Variants in SMARCC1 observed in about 807,000 individuals in gnomAD.
SMARCC1 encodes SWI/SNF complex subunit SMARCC1.
Under a neutral mutation model 147.4 loss-of-function variants are expected in SMARCC1, and 43 were observed. The observed-to-expected ratio is 0.29, with a 90% CI of 0.23 to 0.38. The LOEUF (loss-of-function observed/expected upper bound fraction) is 0.38. Among genes scored for constraint, SMARCC1 ranks in the 10% least tolerant of loss-of-function variants. The pLI is 1.00. For synonymous variants in SMARCC1, 495 were observed against 484.4 expected (o/e 1.02, Z -0.29); for missense variants, 1,119 against 1,381.1 (o/e 0.81, Z 3.01).
intron 21 of SMARCC1, among the ~76,000 whole-genome samples, chr3:47,658,730 A>G (rs1254064111): frequency 6.6e-6 from 1 of 152,246 alleles, no homozygotes; most frequent in East Asian, 1.9e-4. Flanking sequence ...CCAACAAATT[A>G]GATAATCTAC....
Position 47,714,421 on chromosome 3 carries a change from TG to T in SMARCC1, c.785del (p.Pro262HisfsTer6). On this transcript the variant is annotated frameshift_variant, in exon 8 of 28. Transcript: ENST00000254480. LOFTEE classifies it high-confidence loss of function. ...EIEDPPIPEK[P>X]WKVHVKWILD... is the part of the protein sequence containing the mutation. ...TTTTTGTTAAATCATTTACCTTCCA[TG>T]GTTTTTCTGGAATTGGTGGATCTTC... 1 of 1,570,710 alleles carries T rather than the reference TG, an allele frequency of 6.4e-7. No individual in the cohort carries two copies. The highest frequency in any genetic ancestry group is 8.7e-7 in the Non-Finnish European group (1 of 1,144,436).
At chr3:47,758,409 C>T (rs1463875724) in intron 2 of SMARCC1, among the ~76,000 whole-genome samples, 2 of 151,500 alleles carry the variant, frequency 1.3e-5, no homozygotes, top group African/African-American at 4.8e-5. Flanking sequence ...ACTAGCCACA[C>T]GTGGTAGTAT....
chr3:47,613,223 T>C (rs1446472101), intron 25 of SMARCC1, among the ~76,000 whole-genome samples: 2 of 152,030 alleles, frequency 1.3e-5, no homozygotes, highest in Non-Finnish European at 2.9e-5. Context: ...ATAACCTGAA[T>C]GGGGGAAAAA....
At chr3:47,667,156 A>AAG (rs1316270164) in intron 19 of SMARCC1, among the ~76,000 whole-genome samples, 1 of 151,936 alleles carries the variant, frequency 6.6e-6, no homozygotes, top group Non-Finnish European at 1.5e-5. Context: ...TCTCTACTAA[A>AAG]AACACAAAAA....
chr3:47,778,928 C>G (rs1336920665), intron 1 of SMARCC1, among the ~76,000 whole-genome samples: 1 of 151,818 alleles, frequency 6.6e-6, no homozygotes, highest in Non-Finnish European at 1.5e-5. Context: ...GTTGAGGCTG[C>G]AGTGTGCTAT....
At chr3:47,746,237 C>T (rs1357119585) in intron 2 of SMARCC1, 3 of 332,184 alleles carry the variant, frequency 9.0e-6, no homozygotes, top group Non-Finnish European at 1.6e-5. Flanking sequence ...TCACTTAAGC[C>T]CAGGAGTTCA....
chr3:47,740,051 G>A (rs1308384188), intron 3 of SMARCC1, among the ~76,000 whole-genome samples: 1 of 150,186 alleles, frequency 6.7e-6, no homozygotes, highest in Non-Finnish European at 1.5e-5. Flanking sequence ...TATTTAATAA[G>A]TAGAGACAGG....
intron 14 of SMARCC1, among the ~76,000 whole-genome samples, chr3:47,684,028 G>A (rs1352859791): frequency 2.6e-5 from 4 of 152,058 alleles, no homozygotes; most frequent in Admixed American, 1.3e-4. Context: ...CGAGGCGGGC[G>A]GATCACGAGG....
At chr3:47,749,357 A>G (rs1175556510) in intron 2 of SMARCC1, among the ~76,000 whole-genome samples, 1 of 151,908 alleles carries the variant, frequency 6.6e-6, no homozygotes, top group Non-Finnish European at 1.5e-5. Flanking sequence ...TTAAATATAT[A>G]TAAAATTTTA....
Position 47,742,366 on chromosome 3 carries a change from T to C in SMARCC1, c.401+3542A>G, listed in dbSNP as rs527739473. The stretch of plus-strand genomic sequence containing the variant: ...GGGCATGTGGGCACTAACAGTCAAC[T>C]CTCTATTACTTAATTGAACTTGGTA... On this transcript the variant is annotated intron_variant, in intron 3 of 27. Transcript: ENST00000254480. Among the ~76,000 whole-genome samples the C allele has an allele frequency of 2.0e-5, 3 of 152,232 alleles. No homozygotes were observed. In the East Asian group the frequency reaches 5.8e-4, roughly 29 times the overall value.
chr3:47,700,218 T>C (rs1313776452), intron 11 of SMARCC1, among the ~76,000 whole-genome samples: 1 of 152,044 alleles, frequency 6.6e-6, no homozygotes, highest in Non-Finnish European at 1.5e-5. Context: ...ACTTAGTTTC[T>C]AGTCCCCAAA....
At chr3:47,681,512 T>C (rs1057483025) in intron 14 of SMARCC1, among the ~76,000 whole-genome samples, 3 of 152,146 alleles carry the variant, frequency 2.0e-5, no homozygotes, top group Non-Finnish European at 4.4e-5. Flanking sequence ...AAACTGTATA[T>C]CTAGCACAAA....
chr3:47,699,219 G>A (rs979295917), intron 11 of SMARCC1, among the ~76,000 whole-genome samples: 1 of 152,124 alleles, frequency 6.6e-6, no homozygotes, highest in Admixed American at 6.6e-5. Flanking sequence ...ACTGTGAATA[G>A]GGGCTTGAAC....
At chr3:47,666,095 C>A (rs1224881919) in intron 19 of SMARCC1, among the ~76,000 whole-genome samples, 2 of 152,150 alleles carry the variant, frequency 1.3e-5, no homozygotes, top group East Asian at 3.8e-4. Flanking sequence ...CAAACATGAT[C>A]AGGACACTGC....
chr3:47,756,615 T>G (rs2034701273), intron 2 of SMARCC1, among the ~76,000 whole-genome samples: 1 of 151,970 alleles, frequency 6.6e-6, no homozygotes, highest in South Asian at 2.1e-4. Context: ...TTTACTAAAT[T>G]GTTCTGTATC....
At chr3:47,670,812 G>C in intron 18 of SMARCC1, 95 bp from the exon 19 acceptor site, 2 of 787,376 alleles carry the variant, frequency 2.5e-6, no homozygotes, top group Non-Finnish European at 4.6e-6. Context: ...ACTGTGTTAC[G>C]CAAACTATCA....
intron 6 of SMARCC1, among the ~76,000 whole-genome samples, chr3:47,724,421 G>C (rs962640634): frequency 6.6e-6 from 1 of 152,180 alleles, no homozygotes; most frequent in South Asian, 2.1e-4. Flanking sequence ...AGGTTATCTA[G>C]AGTAGTCGAA....
At chr3:47,595,016 G>C (rs547998092) in intron 26 of SMARCC1, among the ~76,000 whole-genome samples, 2 of 152,238 alleles carry the variant, frequency 1.3e-5, no homozygotes, top group East Asian at 3.9e-4. Flanking sequence ...AGCACCGTTT[G>C]CAACATTTTG....
In SMARCC1 at chr3:47,588,252, G is replaced by A. The variant is rs1175257828; in HGVS notation, c.3275C>T (p.Pro1092Leu). The change falls in exon 28 of 28, where the codon CCT becomes CTT. Residue 1092 changes from proline to leucine, a missense_variant. Coordinates refer to ENST00000254480, the MANE Select transcript of SMARCC1 (RefSeq NM_003074.4). ...PPPPPPADGV[P>L]PPPAPGPPAS... ...TGGCGGGCCAGGAGCAGGAGGCGGA[G>A]GGACCCCATCTGCAGGTGGTGGTGG... is the stretch of plus-strand genomic sequence containing the variant. The A allele has an allele frequency of 5.6e-6, 9 of 1,613,864 alleles. No individual in the cohort carries two copies. Among genetic ancestry groups the A allele is most frequent in the Non-Finnish European group, 6.8e-6 (8 of 1,179,920 alleles).
Sources: allele counts gnomAD v4.1 joint callset (sites outside exome capture counted in the v4.1 genomes callset), GRCh38; gene constraint gnomAD v4.1.1; transcripts MANE v1.5; gene names NCBI Gene and HGNC (gene_info 2026-07-23, HGNC 2026-07-21).